The following FTO variants were observed in gnomAD, a reference collection of about 807,000 sequenced individuals.
FTO encodes FTO alpha-ketoglutarate dependent dioxygenase, also known as alpha-ketoglutarate-dependent dioxygenase FTO.
In FTO, 47 loss-of-function variants were observed where a neutral mutation model predicts 63.9. That is an observed-to-expected ratio of 0.74 (90% CI 0.58 to 0.94). The LOEUF (loss-of-function observed/expected upper bound fraction) is 0.94, where lower values mean the gene tolerates loss of function less well. FTO is among the 40% of genes least tolerant of loss of function. The pLI is 0.00. For missense variants in FTO, 562 were observed against 618.1 expected, an observed-to-expected ratio of 0.91 and a Z score of 0.96; for synonymous variants, 207 against 224.4, an observed-to-expected ratio of 0.92 and a Z score of 0.69.
chr16:54,097,283 A>G lies in FTO; in HGVS notation c.1365-14479A>G, dbSNP rs969104223. Among the ~76,000 whole-genome samples the G allele has an allele frequency of 2.0e-5, 3 of 151,810 alleles. No homozygotes were observed. In the East Asian group the frequency reaches 5.8e-4, roughly 30 times the overall value. ...CTCTCAGACCAGTGCTCTCCCTACT[A>G]TACCATCTGGCTTGTTAGGTTGTTA... On this transcript the variant is annotated intron_variant, in intron 8 of 8. Transcript: ENST00000471389.
rs185235667 is a variant in FTO at position 53,963,967 on chromosome 16, G to C, written c.1364+29858G>C. 1.2e-4 allele frequency among the ~76,000 whole-genome samples: 19 copies of C among 152,282 alleles called. No individual in the cohort carries two copies. In the East Asian group the frequency reaches 2.7e-3, roughly 22 times the overall value. On this transcript the variant is annotated intron_variant, in intron 8 of 8. Coordinates refer to ENST00000471389, the MANE Select transcript of FTO (RefSeq NM_001080432.3). ...AGGGTTTCACCATGTTGACCAGGCTGGTCTGAAGCTCCTGACCTCAGGTCA... is the reference window on the plus strand; with the variant it reads ...AGGGTTTCACCATGTTGACCAGGCTCGTCTGAAGCTCCTGACCTCAGGTCA...
intron 4 of FTO, among the ~76,000 whole-genome samples, chr16:53,863,330 A>G (rs1338159292): frequency 6.6e-6 from 1 of 152,244 alleles, no homozygotes; most frequent in Non-Finnish European, 1.5e-5. Context: ...TAGAAAGTAG[A>G]CTAGTACTGG....
At chr16:53,734,894 C>T (rs935075507) in intron 1 of FTO, among the ~76,000 whole-genome samples, 5 of 152,300 alleles carry the variant, frequency 3.3e-5, no homozygotes, top group Admixed American at 2.0e-4. Context: ...TCCCCTAGCA[C>T]ACTCCTTATT....
chr16:53,973,393 A>G (rs772040273), intron 8 of FTO, among the ~76,000 whole-genome samples: 18 of 152,224 alleles, frequency 1.2e-4, no homozygotes, highest in Non-Finnish European at 1.9e-4. Context: ...TTTGCTACTT[A>G]AATACCACTT....
intron 1 of FTO, among the ~76,000 whole-genome samples, chr16:53,783,393 A>G (rs1359070873): frequency 1.3e-5 from 2 of 151,992 alleles, no homozygotes; most frequent in Non-Finnish European, 2.9e-5. Flanking sequence ...CGGGCGGGTC[A>G]CGAGGAGATC....
In FTO at chr16:54,023,790, G is replaced by A. The variant is rs74019549; in HGVS notation, c.1365-87972G>A. On this transcript the variant is annotated intron_variant, in intron 8 of 8. Transcript: ENST00000471389. ...AATAATAGAGAAAAATGGGGGAGTG[G>A]GACTTCACCATGGTCCCACTCTCCT... Among the ~76,000 whole-genome samples, 1,359 of 152,150 alleles carry A rather than the reference G, an allele frequency of 8.9e-3. 20 individuals carry two copies. Among genetic ancestry groups the A allele is most frequent in the African/African-American group, 0.031 (1,286 of 41,504 alleles).
At chr16:53,917,702 TTGAG>T (rs1184082204) in intron 7 of FTO, among the ~76,000 whole-genome samples, 2 of 126,942 alleles carry the variant, frequency 1.6e-5, no homozygotes, top group African/African-American at 5.9e-5. Context: ...TACCACAAAA[TTGAG>T]TGAGTGTGTG....
chr16:54,018,851 T>TTC (rs1261919550), intron 8 of FTO, among the ~76,000 whole-genome samples: 1 of 152,176 alleles, frequency 6.6e-6, no homozygotes, highest in Non-Finnish European at 1.5e-5. Flanking sequence ...GTTTTGGCCG[T>TTC]TCTCTATAGC....
intron 8 of FTO, chr16:53,993,865 C>T (rs770817405): frequency 1.1e-4 from 17 of 152,132 alleles, no homozygotes; most frequent in East Asian, 5.8e-4. Context: ...GTAGGATTTA[C>T]GGGATATATC....
At chr16:53,920,714 T>C (rs1217196200) in intron 7 of FTO, among the ~76,000 whole-genome samples, 1 of 152,164 alleles carries the variant, frequency 6.6e-6, no homozygotes, top group East Asian at 1.9e-4. Context: ...TTTTCATCTT[T>C]AAAATGGAGA....
chr16:53,758,078 C>G (rs999651951), intron 1 of FTO, among the ~76,000 whole-genome samples: 4 of 152,216 alleles, frequency 2.6e-5, no homozygotes, highest in African/African-American at 9.7e-5. Flanking sequence ...CAACATTAGT[C>G]TTAAGCTTTG....
Position 53,950,586 on chromosome 16 carries a change from C to T in FTO, c.1364+16477C>T, listed in dbSNP as rs139471472. Among the ~76,000 whole-genome samples the T allele has an allele frequency of 2.5e-3, 375 of 152,308 alleles. 4 individuals carry two copies. In the East Asian group the frequency reaches 0.032, roughly 13 times the overall value. ...AATTTTAATCCACGTGGAAGTATTTCTTTCCTGTTCTTAAGCGCAAAGGGC... is the reference window on the plus strand; with the variant it reads ...AATTTTAATCCACGTGGAAGTATTTTTTTCCTGTTCTTAAGCGCAAAGGGC... On this transcript the variant is annotated intron_variant, in intron 8 of 8. Transcript: ENST00000471389.
At chr16:54,083,974 C>CTCCAAAA (rs1204265326) in intron 8 of FTO, among the ~76,000 whole-genome samples, 1 of 152,134 alleles carries the variant, frequency 6.6e-6, no homozygotes, top group African/African-American at 2.4e-5. Context: ...ATCCGAAATG[C>CTCCAAAA]TCCAAAATCC....
intron 1 of FTO, among the ~76,000 whole-genome samples, chr16:53,709,169 T>G (rs2075705408): frequency 6.6e-6 from 1 of 152,216 alleles, no homozygotes; most frequent in Non-Finnish European, 1.5e-5. Context: ...TTAGATCATA[T>G]TTTCTCTCTT....
intron 8 of FTO, among the ~76,000 whole-genome samples, chr16:54,093,517 G>A (rs549938126): frequency 6.6e-6 from 1 of 152,286 alleles, no homozygotes; most frequent in African/African-American, 2.4e-5. Context: ...ACTCACCGCC[G>A]AGCTCTGGCC....
chr16:54,021,795 T>C (rs2084609219), intron 8 of FTO, among the ~76,000 whole-genome samples: 1 of 152,070 alleles, frequency 6.6e-6, no homozygotes, highest in African/African-American at 2.4e-5. Flanking sequence ...GCTTGGGTGG[T>C]GTGATTCTTA....
intron 7 of FTO, among the ~76,000 whole-genome samples, chr16:53,930,284 C>T (rs564858605): frequency 2.5e-5 from 3 of 119,798 alleles, no homozygotes; most frequent in Admixed American, 1.2e-4. Context: ...AGTGAAGTGG[C>T]GCGATCTTGG....
intron 1 of FTO, among the ~76,000 whole-genome samples, chr16:53,716,102 T>C (rs921677855): frequency 6.6e-6 from 1 of 151,980 alleles, no homozygotes; most frequent in African/African-American, 2.4e-5. Context: ...GCCTCATTGG[T>C]TTTTTTTGCT....
chr16:53,978,867 C>T (rs549239253), intron 8 of FTO, among the ~76,000 whole-genome samples: 1 of 152,144 alleles, frequency 6.6e-6, no homozygotes, highest in East Asian at 1.9e-4. Context: ...CATGGTGGCA[C>T]ACGTGCCTGT....
Sources: gnomAD v4.1 joint callset for allele counts (sites outside exome capture counted in the v4.1 genomes callset) on GRCh38, gnomAD v4.1.1 for gene constraint, MANE v1.5 for transcripts, NCBI Gene and HGNC (gene_info 2026-07-23, HGNC 2026-07-21) for gene names.